The following SEMA6D variants were observed in gnomAD, a reference collection of about 807,000 sequenced individuals.
SEMA6D encodes the protein semaphorin-6D.
SEMA6D carries 35 observed loss-of-function variants against 106.6 expected under a neutral mutation model. The observed-to-expected ratio is 0.33, with a 90% CI of 0.25 to 0.44. SEMA6D has a LOEUF of 0.44. Ranked by LOEUF, SEMA6D falls within the 20% of genes least tolerant of loss-of-function variation. The pLI, the probability that SEMA6D is intolerant of heterozygous loss-of-function variation, is 1.00. For synonymous variants in SEMA6D, 499 were observed against 487.7 expected, an observed-to-expected ratio of 1.02 and a Z score of -0.31; for missense variants, 1,185 against 1,345.9, an observed-to-expected ratio of 0.88 and a Z score of 1.87.
At chr15:47,650,844 G>A (rs1259978391) in intron 4 of SEMA6D, among the ~76,000 whole-genome samples, 2 of 152,018 alleles carry the variant, frequency 1.3e-5, no homozygotes, top group East Asian at 3.9e-4. Flanking sequence ...AGGAAATTAC[G>A]CTCAAATTTC....
chr15:47,700,938 A>T (rs1404370028), intron 4 of SEMA6D, among the ~76,000 whole-genome samples: 8 of 152,204 alleles, frequency 5.3e-5, no homozygotes. Context: ...CTAGACAGAG[A>T]CCTTATACCT....
rs536810817 is a variant in SEMA6D, at chr15:47,363,078, C to T, written c.-238-49315C>T. On this transcript the variant is annotated intron_variant, in intron 1 of 19. Transcript: ENST00000558014. ...TAATAATTTTAATAGTATTCACTTA[C>T]TATATTCTAGAAACTGTTCTATGAA... 3.9e-5 allele frequency among the ~76,000 whole-genome samples: 6 copies of T among 152,072 alleles called. No individual in the cohort carries two copies. The East Asian group carries it at 1.2e-3, about 29-fold the overall frequency.
intron 4 of SEMA6D, among the ~76,000 whole-genome samples, chr15:47,629,432 T>C (rs2077257601): frequency 6.6e-6 from 1 of 151,934 alleles, no homozygotes; most frequent in African/African-American, 2.4e-5. Context: ...AGATTTAAGG[T>C]TTTTTTCTCC....
At chr15:47,269,491 T>C (rs1304966123) in intron 1 of SEMA6D, among the ~76,000 whole-genome samples, 1 of 152,112 alleles carries the variant, frequency 6.6e-6, no homozygotes, top group Admixed American at 6.6e-5. Flanking sequence ...ATACAATAAG[T>C]TACACTGTTT....
At chr15:47,716,709 C>T (rs915130740), upstream of SEMA6D, among the ~76,000 whole-genome samples, 1 of 151,884 alleles carries the variant, frequency 6.6e-6, no homozygotes, top group Non-Finnish European at 1.5e-5. Flanking sequence ...TAAATGATGT[C>T]ACTTCAAGGA....
At chr15:47,570,486 A>T (rs1424004717) in intron 3 of SEMA6D, among the ~76,000 whole-genome samples, 1 of 152,170 alleles carries the variant, frequency 6.6e-6, no homozygotes, top group Non-Finnish European at 1.5e-5. Context: ...TTGACATTTT[A>T]TTTTTTAATA....
intron 1 of SEMA6D, among the ~76,000 whole-genome samples, chr15:47,335,546 A>C (rs641257): frequency 6.6e-6 from 1 of 151,774 alleles, no homozygotes; most frequent in East Asian, 2.0e-4. Flanking sequence ...TGACTAGGAT[A>C]TTTGCCCCCT....
At chr15:47,571,989 A>C in intron 3 of SEMA6D, among the ~76,000 whole-genome samples, 1 of 152,188 alleles carries the variant, frequency 6.6e-6, no homozygotes, top group South Asian at 2.1e-4. Flanking sequence ...ACTTAGTTTA[A>C]AGTATTATAG....
chr15:47,554,780 G>T (rs1566885287), intron 3 of SEMA6D, among the ~76,000 whole-genome samples: 2 of 151,994 alleles, frequency 1.3e-5, no homozygotes, highest in African/African-American at 4.8e-5. Context: ...TGTTTTGGTC[G>T]TGTAGCTTCT....
At chr15:47,346,184 G>T (rs927298908) in intron 1 of SEMA6D, among the ~76,000 whole-genome samples, 2 of 152,052 alleles carry the variant, frequency 1.3e-5, no homozygotes, top group African/African-American at 2.4e-5. Context: ...GGTGAGTTTG[G>T]ATTGACAAAC....
chr15:47,566,875 A>G (rs943802629), intron 3 of SEMA6D, among the ~76,000 whole-genome samples: 1 of 151,764 alleles, frequency 6.6e-6, no homozygotes, highest in Non-Finnish European at 1.5e-5. Context: ...CTGAAGGAAG[A>G]CGGAAGATGT....
At chr15:47,302,981 T>C (rs2036081174) in intron 1 of SEMA6D, among the ~76,000 whole-genome samples, 1 of 152,190 alleles carries the variant, frequency 6.6e-6, no homozygotes, top group African/African-American at 2.4e-5. Flanking sequence ...ACCAGAAGAA[T>C]TCATGGCGAG....
intron 1 of SEMA6D, among the ~76,000 whole-genome samples, chr15:47,210,153 TTAAAA>T (rs1047264082): frequency 7.2e-5 from 11 of 152,330 alleles, no homozygotes; most frequent in Non-Finnish European, 1.5e-4. Flanking sequence ...TACCATTTTC[TTAAAA>T]TAAAGGGACT....
At chr15:47,744,519 G>T (rs1158556163) in intron 1 of SEMA6D, among the ~76,000 whole-genome samples, 2 of 152,128 alleles carry the variant, frequency 1.3e-5, no homozygotes, top group East Asian at 1.9e-4. Flanking sequence ...AGGTGAGAAA[G>T]CTCGAAGAGA....
rs538003693 is a variant in SEMA6D at position 47,434,266 on chromosome 15, G to A, written c.-159+21794G>A. On this transcript the variant is annotated intron_variant, in intron 2 of 19. Transcript: ENST00000558014. Reference sequence around the variant, plus strand: ...GCCTGGTGATAAATACTGAAAAAACGGACAGAAATGAGCAGGAAGGAAGCA... The same window carrying A: ...GCCTGGTGATAAATACTGAAAAAACAGACAGAAATGAGCAGGAAGGAAGCA... Among the ~76,000 whole-genome samples, 7 of 152,154 alleles carry A rather than the reference G, an allele frequency of 4.6e-5. No individual in the cohort carries two copies. In the South Asian group the frequency reaches 8.3e-4, roughly 18 times the overall value.
intron 3 of SEMA6D, among the ~76,000 whole-genome samples, chr15:47,557,950 T>G (rs1396053178): frequency 2.0e-5 from 3 of 152,116 alleles, no homozygotes; most frequent in African/African-American, 7.2e-5. Flanking sequence ...ACAATTCTGA[T>G]GAAGCCTATA....
At chr15:47,399,957 C>T (rs1643882316) in intron 1 of SEMA6D, among the ~76,000 whole-genome samples, 1 of 152,174 alleles carries the variant, frequency 6.6e-6, no homozygotes, top group Non-Finnish European at 1.5e-5. Context: ...GATCCTAAAT[C>T]AGAGAAAGCT....
At chr15:47,716,685 G>C (rs927793076), upstream of SEMA6D, among the ~76,000 whole-genome samples, 1 of 151,166 alleles carries the variant, frequency 6.6e-6, no homozygotes, top group Non-Finnish European at 1.5e-5. Context: ...CCTTTCATTT[G>C]TGACAGTCAA....
chr15:47,649,337 A>T (rs990516417), intron 4 of SEMA6D, among the ~76,000 whole-genome samples: 1 of 152,276 alleles, frequency 6.6e-6, no homozygotes, highest in Non-Finnish European at 1.5e-5. Context: ...TCAAAACTGA[A>T]CTACACAAGC....
Sources: gnomAD v4.1 joint callset for allele counts (sites outside exome capture counted in the v4.1 genomes callset) on GRCh38, gnomAD v4.1.1 for gene constraint, MANE v1.5 for transcripts, NCBI Gene and HGNC (gene_info 2026-07-23, HGNC 2026-07-21) for gene names.